EFCAB11: variants seen among roughly 807,000 people sequenced by gnomAD.
The protein encoded by EFCAB11 is EF-hand calcium-binding domain-containing protein 11.
In EFCAB11, 14 loss-of-function variants were observed where a neutral mutation model predicts 23.0. That is an observed-to-expected ratio of 0.61 (90% CI 0.40 to 0.95). The LOEUF (loss-of-function observed/expected upper bound fraction) is 0.95, where lower values mean the gene tolerates loss of function less well. EFCAB11 is among the 40% of genes least tolerant of loss of function. The probability of loss-of-function intolerance (pLI) is 0.00; values close to 1 mark genes in which losing one functional copy is unlikely to be tolerated. For missense variants in EFCAB11, 198 were observed against 195.8 expected (o/e 1.01, Z -0.07); for synonymous variants, 65 against 66.6 (o/e 0.98, Z 0.11).
intron 5 of EFCAB11, among the ~76,000 whole-genome samples, chr14:89,872,697 T>A (rs1292826494): frequency 1.3e-5 from 2 of 151,968 alleles, no homozygotes; most frequent in Non-Finnish European, 2.9e-5. Flanking sequence ...AGAGATAGGG[T>A]TGTTAAAGAG....
chr14:89,941,624 C>T (rs1890797839), intron 3 of EFCAB11, among the ~76,000 whole-genome samples: 1 of 150,976 alleles, frequency 6.6e-6, no homozygotes, highest in Non-Finnish European at 1.5e-5. Flanking sequence ...CTCTGTTGCC[C>T]AGGCTGGTCT....
At chr14:89,907,936 A>C (rs1198918323) in intron 5 of EFCAB11, among the ~76,000 whole-genome samples, 1 of 152,188 alleles carries the variant, frequency 6.6e-6, no homozygotes, top group Non-Finnish European at 1.5e-5. Flanking sequence ...GGATCAAATG[A>C]GTTAAGGCAA....
chr14:89,797,285 TC>T lies in EFCAB11; in HGVS notation c.449del (p.Arg150LysfsTer7), dbSNP rs1885606812. 1.9e-6 allele frequency: 3 copies of T among 1,613,474 alleles called. No homozygotes were observed. Among genetic ancestry groups the T allele is most frequent in the Non-Finnish European group, 8.5e-7 (1 of 1,179,810 alleles). Reference protein sequence around the residue: ...DRDSDGHVSFRDFEYALNYGQ... With the variant: ...DRDSDGHVSFXDFEYALNYGQ... ...CATAGTTCAGGGCATATTCAAAGTC[TC>T]TAAAGCTGACGTGACCATCTGAATC... is the stretch of plus-strand genomic sequence containing the variant. On this transcript the variant is annotated frameshift_variant, in exon 6 of 6. Transcript: ENST00000316738. LOFTEE classifies it high-confidence loss of function.
At chr14:89,868,820 A>C (rs1596412017) in intron 5 of EFCAB11, among the ~76,000 whole-genome samples, 1 of 152,218 alleles carries the variant, frequency 6.6e-6, no homozygotes, top group South Asian at 2.1e-4. Context: ...ATAAATCAGA[A>C]GGAAAATGAC....
chr14:89,824,130 A>G (rs1254716374), intron 5 of EFCAB11, among the ~76,000 whole-genome samples: 2 of 152,178 alleles, frequency 1.3e-5, no homozygotes, highest in African/African-American at 4.8e-5. Flanking sequence ...AAACAACACC[A>G]TAATCAAATT....
At chr14:89,855,818 T>C (rs1887734000) in intron 5 of EFCAB11, among the ~76,000 whole-genome samples, 1 of 152,152 alleles carries the variant, frequency 6.6e-6, no homozygotes, top group Admixed American at 6.5e-5. Context: ...ACTGTTTTAT[T>C]CTCTCTGTAT....
At chr14:89,927,221 G>T (rs1002269038) in intron 5 of EFCAB11, among the ~76,000 whole-genome samples, 2 of 152,154 alleles carry the variant, frequency 1.3e-5, no homozygotes, top group Non-Finnish European at 2.9e-5. Context: ...CTGTTGTTTG[G>T]TTTGTAAAAT....
chr14:89,887,295 G>A (rs905889463), intron 5 of EFCAB11, among the ~76,000 whole-genome samples: 1 of 152,176 alleles, frequency 6.6e-6, no homozygotes, highest in Non-Finnish European at 1.5e-5. Flanking sequence ...CCTCTCTGAT[G>A]ATGTGATATT....
At chr14:89,805,340 A>C (rs1401117079) in intron 5 of EFCAB11, among the ~76,000 whole-genome samples, 2 of 152,206 alleles carry the variant, frequency 1.3e-5, no homozygotes, top group African/African-American at 4.8e-5. Flanking sequence ...GACTGGCTCA[A>C]GGATTGACTG....
intron 5 of EFCAB11, among the ~76,000 whole-genome samples, chr14:89,807,163 A>G (rs1885996403): frequency 6.6e-6 from 1 of 152,242 alleles, no homozygotes; most frequent in Non-Finnish European, 1.5e-5. Flanking sequence ...GCTATTCTGA[A>G]GAGCTTTTCC....
chr14:89,911,905 A>T (rs1889691669), intron 5 of EFCAB11, among the ~76,000 whole-genome samples: 2 of 152,182 alleles, frequency 1.3e-5, no homozygotes, highest in African/African-American at 4.8e-5. Flanking sequence ...ATTTGCATGA[A>T]TTATCCCTGT....
In EFCAB11 at chr14:89,953,906, C is replaced by A. The variant is rs1436598177; in HGVS notation, c.171G>T (p.Lys57Asn). The A allele has an allele frequency of 1.8e-5, 29 of 1,612,628 alleles. No individual in the cohort carries two copies. Among genetic ancestry groups the A allele is most frequent in the Non-Finnish European group, 2.5e-5 (29 of 1,179,542 alleles). Residue 57 changes from lysine to asparagine, a missense_variant and splice_region_variant, in exon 2 of 6, where the codon AAG (lysine) becomes AAT (asparagine). Coordinates refer to ENST00000316738, the MANE Select transcript of EFCAB11 (RefSeq NM_145231.4). Reference sequence around the variant, plus strand: ...CCCCAAATATATAAGAAAGCTCTACCTTGGAGGGCTTGTACCCAAACAGCA... The same window carrying A: ...CCCCAAATATATAAGAAAGCTCTACATTGGAGGGCTTGTACCCAAACAGCA... ...VVMLFGYKPS[K>N]IEVDSVMSSI...
At chr14:89,954,343 A>G in intron 1 of EFCAB11, 1 of 1,535,870 alleles carries the variant, frequency 6.5e-7, no homozygotes, top group Non-Finnish European at 8.7e-7. Context: ...AGAGATGCAG[A>G]CTCAAGGTTA....
chr14:89,891,823 T>G (rs1888975846), intron 5 of EFCAB11, among the ~76,000 whole-genome samples: 1 of 151,938 alleles, frequency 6.6e-6, no homozygotes. Flanking sequence ...GCTACCAATT[T>G]CGGGTCGCGC....
intron 5 of EFCAB11, among the ~76,000 whole-genome samples, chr14:89,922,215 T>C (rs1890041165): frequency 6.6e-6 from 1 of 152,228 alleles, no homozygotes; most frequent in South Asian, 2.1e-4. Context: ...CTTGCTATAG[T>C]GACATCCCAA....
chr14:89,905,701 A>G (rs954841748), intron 5 of EFCAB11, among the ~76,000 whole-genome samples: 1 of 152,162 alleles, frequency 6.6e-6, no homozygotes, highest in African/African-American at 2.4e-5. Context: ...GCCTAAAAGA[A>G]GAGGAGGAGT....
intron 5 of EFCAB11, among the ~76,000 whole-genome samples, chr14:89,845,782 G>A (rs1048135264): frequency 2.6e-5 from 4 of 152,188 alleles, no homozygotes; most frequent in African/African-American, 7.2e-5. Flanking sequence ...GGCTGAAGAT[G>A]GTCAACAGGG....
intron 5 of EFCAB11, among the ~76,000 whole-genome samples, chr14:89,918,063 G>T (rs947504962): frequency 6.6e-6 from 1 of 152,186 alleles, no homozygotes; most frequent in Non-Finnish European, 1.5e-5. Flanking sequence ...GAGGTACTTA[G>T]TTGGGGAGAG....
intron 5 of EFCAB11, among the ~76,000 whole-genome samples, chr14:89,917,506 A>C (rs981354283): frequency 2.6e-5 from 4 of 152,204 alleles, no homozygotes; most frequent in African/African-American, 9.6e-5. Context: ...TGGGCACTTA[A>C]TATGGGTTTC....
Sources: allele counts gnomAD v4.1 joint callset (sites outside exome capture counted in the v4.1 genomes callset), GRCh38; gene constraint gnomAD v4.1.1; transcripts MANE v1.5; gene names NCBI Gene and HGNC (gene_info 2026-07-23, HGNC 2026-07-21).